CALCRL: variants seen among roughly 807,000 people sequenced by gnomAD.
The protein encoded by CALCRL is calcitonin gene-related peptide type 1 receptor.
In CALCRL, 27 loss-of-function variants were observed where a neutral mutation model predicts 60.4. The observed-to-expected ratio is 0.45, with a 90% CI of 0.33 to 0.62. The LOEUF is 0.62. Ranked by LOEUF, CALCRL falls within the 20% of genes least tolerant of loss-of-function variation. CALCRL has a pLI of 0.03. For missense variants in CALCRL, 424 were observed against 540.7 expected (o/e 0.78, Z 2.14); for synonymous variants, 190 against 182.6 (o/e 1.04, Z -0.33).
chr2:187,434,395 G>C (rs1690540769), intron 1 of CALCRL, among the ~76,000 whole-genome samples: 1 of 152,060 alleles, frequency 6.6e-6, no homozygotes, highest in Non-Finnish European at 1.5e-5. Flanking sequence ...CAAATTCATT[G>C]TGACTCATAA....
intron 1 of CALCRL, chr2:187,428,848 G>GC (rs1464698305): frequency 1.3e-5 from 2 of 148,790 alleles, no homozygotes; most frequent in Non-Finnish European, 3.0e-5. Flanking sequence ...AGCCAAGGTC[G>GC]CGCCACTGCA....
chr2:187,416,861 A>C (rs1299679740), intron 1 of CALCRL, among the ~76,000 whole-genome samples: 1 of 152,128 alleles, frequency 6.6e-6, no homozygotes, highest in African/African-American at 2.4e-5. Context: ...AATCAGGCAT[A>C]AAAAAGTATT....
chr2:187,436,103 ATTAT>A (rs1359289424), intron 1 of CALCRL, among the ~76,000 whole-genome samples: 1 of 152,114 alleles, frequency 6.6e-6, no homozygotes, highest in African/African-American at 2.4e-5. Context: ...ATTTATAGTT[ATTAT>A]TTAGTTATTT....
intron 1 of CALCRL, among the ~76,000 whole-genome samples, chr2:187,406,981 G>T (rs1273468807): frequency 2.6e-5 from 4 of 151,874 alleles, no homozygotes; most frequent in African/African-American, 9.7e-5. Context: ...AACCTTATTT[G>T]AACTCATAAC....
chr2:187,433,059 C>A (rs1690469405), intron 1 of CALCRL, among the ~76,000 whole-genome samples: 1 of 151,978 alleles, frequency 6.6e-6, no homozygotes, highest in Non-Finnish European at 1.5e-5. Flanking sequence ...AGGACATATC[C>A]CAATCCTTAA....
chr2:187,426,876 A>G (rs1438515338), intron 1 of CALCRL, among the ~76,000 whole-genome samples: 2 of 152,134 alleles, frequency 1.3e-5, no homozygotes, highest in Non-Finnish European at 2.9e-5. Context: ...ACTTTGATAT[A>G]TATTTTGATT....
At position 187,360,872 on chromosome 2, in the gene CALCRL, A is replaced by T. The variant is rs1012286588; in HGVS notation, c.628-121T>A. ...CCTACACACAAAATCCTATACATTA[A>T]TGATTAGGATTTGTGGAATGCCAGT... On this transcript the variant is annotated intron_variant, in intron 9 of 14. Transcript: ENST00000392370. The T allele has an allele frequency of 2.9e-5, 24 of 822,788 alleles. No individual in the cohort carries two copies. In the East Asian group the frequency reaches 6.6e-4, roughly 23 times the overall value. 51.0% of individuals were successfully genotyped at this position (822,788 alleles called of 1,614,324 possible).
At chr2:187,347,735 C>A (rs985037791) in intron 14 of CALCRL, among the ~76,000 whole-genome samples, 4 of 151,702 alleles carry the variant, frequency 2.6e-5, no homozygotes, top group African/African-American at 7.3e-5. Context: ...CAGGATACTT[C>A]AGAGTTCCTG....
intron 8 of CALCRL, among the ~76,000 whole-genome samples, chr2:187,372,400 C>T (rs1046077852): frequency 4.6e-5 from 7 of 151,758 alleles, no homozygotes; most frequent in African/African-American, 1.7e-4. Flanking sequence ...CAGGGCTTGG[C>T]AAGCCCTAAA....
At chr2:187,392,467 C>T (rs1052670563) in intron 1 of CALCRL, among the ~76,000 whole-genome samples, 5 of 152,070 alleles carry the variant, frequency 3.3e-5, no homozygotes, top group African/African-American at 1.2e-4. Context: ...GCATATTAAA[C>T]AAGCTACATA....
chr2:187,442,246 G>A (rs983472635), intron 1 of CALCRL, among the ~76,000 whole-genome samples: 21 of 150,324 alleles, frequency 1.4e-4, no homozygotes, highest in African/African-American at 4.6e-4. Context: ...TAACTGTCAC[G>A]TGAATTACCT....
At chr2:187,424,926 A>G (rs1690052830) in intron 1 of CALCRL, among the ~76,000 whole-genome samples, 1 of 151,978 alleles carries the variant, frequency 6.6e-6, no homozygotes, top group Admixed American at 6.6e-5. Flanking sequence ...AATAATATTT[A>G]AGTGCAATAA....
At chr2:187,375,508 T>A (rs1257775007) in intron 8 of CALCRL, among the ~76,000 whole-genome samples, 1 of 152,192 alleles carries the variant, frequency 6.6e-6, no homozygotes, top group African/African-American at 2.4e-5. Flanking sequence ...ATTCATTTGC[T>A]TTAACAAAGT....
chr2:187,442,070 TTATATATATATATATATATATA>T (rs370387256), intron 1 of CALCRL: 100 of 127,394 alleles, frequency 7.8e-4, no homozygotes, highest in African/African-American at 2.8e-3. Context: ...CTTAAAAACA[TTATATATATATATATATATATA>T]TATATATATA....
chr2:187,366,304 G>A (rs1687289449), intron 8 of CALCRL, among the ~76,000 whole-genome samples: 1 of 150,024 alleles, frequency 6.7e-6, no homozygotes, highest in Admixed American at 6.6e-5. Flanking sequence ...ATCACTGTAG[G>A]ATGACTATAG....
At chr2:187,445,528 T>G (rs1398676101) in intron 1 of CALCRL, among the ~76,000 whole-genome samples, 3 of 150,074 alleles carry the variant, frequency 2.0e-5, no homozygotes, top group Non-Finnish European at 4.5e-5. Flanking sequence ...ACTATCAAAC[T>G]TTTGCCATGT....
intron 14 of CALCRL, among the ~76,000 whole-genome samples, chr2:187,351,450 A>T (rs944877682): frequency 6.6e-6 from 1 of 151,814 alleles, no homozygotes; most frequent in Non-Finnish European, 1.5e-5. Flanking sequence ...TCTTCCCTGT[A>T]TAACCAAGAG....
intron 14 of CALCRL, among the ~76,000 whole-genome samples, chr2:187,350,850 C>T (rs1389711668): frequency 6.6e-6 from 1 of 151,700 alleles, no homozygotes; most frequent in Admixed American, 6.6e-5. Flanking sequence ...GTGTCTCACT[C>T]AGCTGCTGTC....
At position 187,346,292 on chromosome 2, in the gene CALCRL, GA is replaced by G. The variant is rs1288207470; in HGVS notation, c.1277del (p.Ile426ThrfsTer16). The G allele has an allele frequency of 1.9e-6, 3 of 1,612,264 alleles. No homozygotes were observed. Among genetic ancestry groups the G allele is most frequent in the Non-Finnish European group, 2.5e-6 (3 of 1,178,840 alleles). On this transcript the variant is annotated frameshift_variant, in exon 15 of 15. Transcript: ENST00000392370. LOFTEE classifies it high-confidence loss of function. Reference protein sequence around the residue: ...LRSASYTVSTISDGPGYSHDC... With the variant: ...LRSASYTVSTXSDGPGYSHDC... ...CATGACTATAACCTGGACCATCACT[GA>G]TTGTTGACACTGTGTAAGACGCACT...
Sources: allele counts gnomAD v4.1 joint callset (sites outside exome capture counted in the v4.1 genomes callset), GRCh38; gene constraint gnomAD v4.1.1; transcripts MANE v1.5; gene names NCBI Gene and HGNC (gene_info 2026-07-23, HGNC 2026-07-21).